The following PMS1 variants were observed in gnomAD, a reference collection of about 807,000 sequenced individuals.
PMS1 encodes PMS1 protein homolog 1.
In PMS1, 79 loss-of-function variants were observed where a neutral mutation model predicts 93.1. The ratio of observed to expected loss-of-function variants is 0.85; its 90% CI spans 0.71 to 1.02. The LOEUF is 1.02. PMS1 is among the 50% of genes least tolerant of loss of function. PMS1 has a pLI of 0.00. For missense variants in PMS1, 1,064 were observed against 1,085.3 expected (o/e 0.98, Z 0.28); for synonymous variants, 335 against 363.4 (o/e 0.92, Z 0.89).
chr2:189,826,504 T>C (rs1251635525), intron 5 of PMS1, among the ~76,000 whole-genome samples: 2 of 151,928 alleles, frequency 1.3e-5, no homozygotes, highest in Non-Finnish European at 2.9e-5. Context: ...TATTAAATGG[T>C]TTTCATGTGT....
chr2:189,841,897 T>G (rs2053849410), intron 5 of PMS1, among the ~76,000 whole-genome samples: 1 of 151,998 alleles, frequency 6.6e-6, no homozygotes. Flanking sequence ...ACCTCCTTTC[T>G]GCATTTTAGA....
intron 10 of PMS1, among the ~76,000 whole-genome samples, chr2:189,864,672 AAAAAAAAAAAAAAAAATATATATATAT>A (rs2056412193): frequency 2.4e-5 from 1 of 41,718 alleles, no homozygotes; most frequent in Non-Finnish European, 4.4e-5. Context: ...AAAAAAAAAA[AAAAAAAAAAAAAAAAATATATATATAT>A]ATATATATAT....
rs183603261 is a variant in PMS1 at position 189,792,914 on chromosome 2, A to G, written c.132+973A>G. Among the ~76,000 whole-genome samples the G allele has an allele frequency of 7.2e-5, 11 of 151,748 alleles. No homozygotes were observed. In the East Asian group the frequency reaches 9.7e-4, roughly 13 times the overall value. On this transcript the variant is annotated intron_variant, in intron 2 of 12. Coordinates refer to ENST00000441310, the MANE Select transcript of PMS1 (RefSeq NM_000534.5). ...GCACTCTCCCTCCCCGGTTCATGCA[A>G]TTCTCCTGCCCCAGCCTCCTGAATA...
At chr2:189,851,060 G>A (rs879366811) in intron 6 of PMS1, among the ~76,000 whole-genome samples, 4 of 152,122 alleles carry the variant, frequency 2.6e-5, no homozygotes, top group Non-Finnish European at 2.9e-5. Flanking sequence ...CACTGATTTG[G>A]TGTCTCAAGT....
At chr2:189,852,475 A>ATG (rs2054846891) in intron 6 of PMS1, among the ~76,000 whole-genome samples, 180 bp from the exon 7 acceptor site, 1 of 152,242 alleles carries the variant, frequency 6.6e-6, no homozygotes, top group Admixed American at 6.5e-5. Flanking sequence ...CCAGTGTAGC[A>ATG]TGCTTTACTA....
chr2:189,825,307 G>A (rs1416667645), intron 5 of PMS1, among the ~76,000 whole-genome samples: 1 of 152,130 alleles, frequency 6.6e-6, no homozygotes, highest in Non-Finnish European at 1.5e-5. Flanking sequence ...TTTATTTAAA[G>A]TAGATATTAT....
intron 4 of PMS1, among the ~76,000 whole-genome samples, chr2:189,814,053 A>G (rs909077182): frequency 2.0e-5 from 3 of 152,204 alleles, no homozygotes; most frequent in African/African-American, 4.8e-5. Flanking sequence ...GGCAGAATGC[A>G]TACCTGCTCT....
At chr2:189,800,842 TAAG>T (rs981549267) in intron 3 of PMS1, among the ~76,000 whole-genome samples, 7 of 152,202 alleles carry the variant, frequency 4.6e-5, no homozygotes, top group African/African-American at 1.4e-4. Context: ...AAAATGTTAT[TAAG>T]AAGAAAAATT....
intron 4 of PMS1, 80 bp from the exon 5 acceptor site, chr2:189,817,935 TTA>T: frequency 9.5e-7 from 1 of 1,057,976 alleles, no homozygotes; most frequent in Non-Finnish European, 1.5e-6. Context: ...ATAGAAGGGG[TTA>T]ATTACAAATT....
intron 3 of PMS1, among the ~76,000 whole-genome samples, chr2:189,803,659 T>C (rs916613543): frequency 7.9e-5 from 12 of 152,198 alleles, no homozygotes; most frequent in Admixed American, 3.9e-4. Flanking sequence ...AAAAGTTTCC[T>C]GCTCCAGACA....
At chr2:189,832,918 T>C (rs961208734) in intron 5 of PMS1, among the ~76,000 whole-genome samples, 58 of 151,840 alleles carry the variant, frequency 3.8e-4, no homozygotes, top group Non-Finnish European at 4.4e-5. Context: ...TTTTAAATAA[T>C]AAAATACAAA....
At chr2:189,861,081 A>C (rs979257589) in intron 9 of PMS1, among the ~76,000 whole-genome samples, 5 of 151,808 alleles carry the variant, frequency 3.3e-5, no homozygotes, top group Non-Finnish European at 5.9e-5. Flanking sequence ...GGTTGGGTTT[A>C]GGTCTGCCAT....
intron 10 of PMS1, among the ~76,000 whole-genome samples, chr2:189,867,429 T>C (rs895522599): frequency 3.9e-5 from 6 of 152,236 alleles, no homozygotes; most frequent in Non-Finnish European, 7.3e-5. Context: ...AAACTTTGAA[T>C]AGCAGTTGAA....
chr2:189,828,257 G>A (rs191354931), intron 5 of PMS1, among the ~76,000 whole-genome samples: 2 of 152,220 alleles, frequency 1.3e-5, no homozygotes, highest in African/African-American at 4.8e-5. Flanking sequence ...CTGTCACACC[G>A]TAGGGACACT....
At chr2:189,840,047 T>A (rs978287234) in intron 5 of PMS1, among the ~76,000 whole-genome samples, 2 of 152,204 alleles carry the variant, frequency 1.3e-5, no homozygotes, top group Non-Finnish European at 2.9e-5. Flanking sequence ...AATATACACA[T>A]TGAACCTATA....
intron 5 of PMS1, among the ~76,000 whole-genome samples, chr2:189,822,059 C>T (rs942659175): frequency 2.6e-5 from 4 of 152,132 alleles, no homozygotes; most frequent in African/African-American, 9.7e-5. Flanking sequence ...GCGCCTCGGG[C>T]CTCCACCTCC....
At chr2:189,853,918 A>T (rs747441545) in intron 7 of PMS1, 21 bp from the exon 8 acceptor site, 1 of 1,440,226 alleles carries the variant, frequency 6.9e-7, no homozygotes, top group Non-Finnish European at 9.6e-7. Flanking sequence ...TTTTTCTTTT[A>T]TTTATTACAT....
At position 189,805,729 on chromosome 2, in the gene PMS1, T is replaced by C. The variant is rs772697027; in HGVS notation, c.393T>C (p.Ser131=). Residue 131 remains serine, a synonymous_variant, in exon 4 of 13, where the codon TCT becomes TCC. Coordinates refer to ENST00000441310, the MANE Select transcript of PMS1 (RefSeq NM_000534.5). ...TAGATGGCAGTGGCCACATACTTTC[T>C]CAGAAACCTTCACATCTTGGTCAAG... The part of the protein sequence containing the change: ...YVLDGSGHIL[S]QKPSHLGQGT... 8.1e-6 allele frequency: 13 copies of C among 1,613,782 alleles called. No homozygotes were observed. The highest frequency in any genetic ancestry group is 1.7e-5 in the Admixed American group (1 of 59,980).
At chr2:189,877,113 A>C (rs2106558749) in intron 12 of PMS1, among the ~76,000 whole-genome samples, 159 bp from the exon 13 acceptor site, 1 of 152,338 alleles carries the variant, frequency 6.6e-6, no homozygotes, top group Non-Finnish European at 1.5e-5. Context: ...TCACCACTAC[A>C]TCCCGAGAGC....
Sources: allele counts gnomAD v4.1 joint callset (sites outside exome capture counted in the v4.1 genomes callset), GRCh38; gene constraint gnomAD v4.1.1; transcripts MANE v1.5; gene names NCBI Gene and HGNC (gene_info 2026-07-23, HGNC 2026-07-21).